Variants in UBR1 observed in about 807,000 individuals in gnomAD.
UBR1 encodes the protein ubiquitin protein ligase E3 component n-recognin 1.
Under a neutral mutation model 242.1 loss-of-function variants are expected in UBR1, and 102 were observed. The ratio of observed to expected loss-of-function variants is 0.42; its 90% confidence interval spans 0.36 to 0.50. UBR1 has a LOEUF of 0.50. Among genes scored for constraint, UBR1 ranks in the 20% least tolerant of loss-of-function variants. The pLI is 0.01. For missense variants in UBR1, 1,772 were observed against 2,101.8 expected, an observed-to-expected ratio of 0.84 and a Z score of 3.07; for synonymous variants, 675 against 684.8, an observed-to-expected ratio of 0.99 and a Z score of 0.22.
At chr15:42,993,996 G>A (rs183937589) in intron 33 of UBR1, among the ~76,000 whole-genome samples, 18 of 152,162 alleles carry the variant, frequency 1.2e-4, no homozygotes, top group South Asian at 2.1e-4. Flanking sequence ...CATACTCCAT[G>A]GATTTGATCT....
chr15:42,980,712 G>A (rs2032363974), intron 37 of UBR1, among the ~76,000 whole-genome samples: 2 of 152,162 alleles, frequency 1.3e-5, no homozygotes, highest in South Asian at 4.2e-4. Context: ...GGGTGCAAGT[G>A]ATACTCCCAA....
chr15:43,035,861 T>G (rs968442969), intron 19 of UBR1, among the ~76,000 whole-genome samples: 2 of 144,462 alleles, frequency 1.4e-5, no homozygotes, highest in African/African-American at 5.2e-5. Flanking sequence ...TTCTCACTCA[T>G]AGGTGGGAAT....
intron 1 of UBR1, among the ~76,000 whole-genome samples, chr15:43,094,439 G>GCAAA (rs540494392): frequency 7.3e-5 from 11 of 150,912 alleles, no homozygotes; most frequent in East Asian, 3.9e-4. Flanking sequence ...AAAAAAAAAA[G>GCAAA]CAAACAAACA....
At chr15:43,045,294 T>C (rs1380407254) in intron 14 of UBR1, among the ~76,000 whole-genome samples, 2 of 151,948 alleles carry the variant, frequency 1.3e-5, no homozygotes, top group African/African-American at 2.4e-5. Context: ...ACCCTGTCTC[T>C]GCAAAAAATA....
chr15:42,955,739 C>T (rs2031908356), intron 44 of UBR1, among the ~76,000 whole-genome samples: 1 of 152,178 alleles, frequency 6.6e-6, no homozygotes, highest in Non-Finnish European at 1.5e-5. Context: ...CATTCAGTGA[C>T]ATCTCACTGG....
intron 1 of UBR1, among the ~76,000 whole-genome samples, chr15:43,104,370 C>T (rs897919939): frequency 2.0e-5 from 3 of 152,166 alleles, no homozygotes; most frequent in Non-Finnish European, 4.4e-5. Context: ...ACAGCAGTTT[C>T]CCCACTCCTT....
At chr15:42,967,958 T>C (rs1057462741) in intron 40 of UBR1, among the ~76,000 whole-genome samples, 1 of 150,704 alleles carries the variant, frequency 6.6e-6, no homozygotes, top group African/African-American at 2.4e-5. Context: ...AAATTATATA[T>C]GTAGTATGTA....
chr15:43,052,086 G>A (rs999375749), intron 12 of UBR1, among the ~76,000 whole-genome samples: 2 of 152,160 alleles, frequency 1.3e-5, no homozygotes, highest in Non-Finnish European at 2.9e-5. Flanking sequence ...TTTAGAATAA[G>A]AGAGGTAGCA....
At chr15:43,050,204 C>T (rs1036436895) in intron 12 of UBR1, among the ~76,000 whole-genome samples, 2 of 152,142 alleles carry the variant, frequency 1.3e-5, no homozygotes. Flanking sequence ...CTGCCTCAGC[C>T]TTCCAAAGCA....
chr15:43,042,914 C>G (rs1469920740), intron 15 of UBR1, among the ~76,000 whole-genome samples: 1 of 152,074 alleles, frequency 6.6e-6, no homozygotes, highest in African/African-American at 2.4e-5. Context: ...TAGAAACCAG[C>G]AACCAGATTT....
At chr15:43,065,596 C>G (rs2033742795) in intron 6 of UBR1, among the ~76,000 whole-genome samples, 1 of 152,142 alleles carries the variant, frequency 6.6e-6, no homozygotes, top group Non-Finnish European at 1.5e-5. Flanking sequence ...TTATAAATGA[C>G]AGCATGCAGT....
intron 3 of UBR1, among the ~76,000 whole-genome samples, chr15:43,076,442 C>G (rs1270461663): frequency 1.3e-5 from 2 of 150,516 alleles, no homozygotes; most frequent in Middle Eastern, 3.2e-3. Flanking sequence ...CGGCCGCCAT[C>G]CCATCTAGGA....
intron 1 of UBR1, among the ~76,000 whole-genome samples, chr15:43,093,090 T>C (rs2034122135): frequency 6.6e-6 from 1 of 152,158 alleles, no homozygotes; most frequent in African/African-American, 2.4e-5. Context: ...AATTGACTAT[T>C]CTGTAAAAAA....
At chr15:42,988,716 A>G (rs1167550722) in intron 35 of UBR1, 103 bp downstream of exon 35, 2 of 1,481,624 alleles carry the variant, frequency 1.3e-6, no homozygotes, top group African/African-American at 2.8e-5. Context: ...TCCTCATACA[A>G]GTCAAATTAT....
intron 15 of UBR1, among the ~76,000 whole-genome samples, chr15:43,040,007 A>G (rs2033394966): frequency 6.6e-6 from 1 of 152,146 alleles, no homozygotes; most frequent in African/African-American, 2.4e-5. Flanking sequence ...GTTGACTGTG[A>G]AAATGACCAT....
At chr15:42,979,175 G>A (rs962310831) in intron 37 of UBR1, among the ~76,000 whole-genome samples, 5 of 151,658 alleles carry the variant, frequency 3.3e-5, no homozygotes, top group African/African-American at 9.7e-5. Flanking sequence ...TTACAGGCAT[G>A]AGCCACTGTG....
chr15:43,095,602 G>A lies in UBR1; in HGVS notation c.82-9362C>T, dbSNP rs566220592. On this transcript the variant is annotated intron_variant, in intron 1 of 46. Transcript: ENST00000290650. Reference sequence around the variant, plus strand: ...AAAAAAACTAAGCTCATCAACTATGGTTTATTCAAGAGGAGGCATGTTAAC... The same window carrying A: ...AAAAAAACTAAGCTCATCAACTATGATTTATTCAAGAGGAGGCATGTTAAC... Among the ~76,000 whole-genome samples the A allele has an allele frequency of 1.4e-3, 208 of 151,520 alleles. 1 individual carries two copies. The highest frequency in any genetic ancestry group is 7.0e-3 in the Middle Eastern group (2 of 286).
In UBR1 at chr15:42,945,110, A is replaced by G. The variant is rs1215834986; in HGVS notation, c.*219T>C. On this transcript the variant is annotated 3_prime_UTR_variant, in exon 47 of 47. Transcript: ENST00000290650. ...GGAATAAATTCCTGGAAATACTAGC[A>G]CATAAAACAGATTGATCTATGTCCT... is the stretch of plus-strand genomic sequence containing the variant. The G allele has an allele frequency of 3.4e-6, 2 of 581,656 alleles. No homozygotes were observed. Among genetic ancestry groups the G allele is most frequent in the East Asian group, 3.1e-5 (1 of 31,838 alleles). The allele number at this position is 581,656 out of a possible 1,614,324, so 36.0% of individuals were successfully genotyped here. A position where few individuals can be genotyped will look rare whatever the true frequency, so the allele number is the denominator to read the frequency against.
intron 3 of UBR1, among the ~76,000 whole-genome samples, chr15:43,077,305 T>G (rs1264233343): frequency 6.6e-6 from 1 of 151,542 alleles, no homozygotes; most frequent in African/African-American, 2.4e-5. Flanking sequence ...TGTTCTGTAC[T>G]AAGAAAAATT....
Sources: gnomAD v4.1 joint callset for allele counts (sites outside exome capture counted in the v4.1 genomes callset) on GRCh38, gnomAD v4.1.1 for gene constraint, MANE v1.5 for transcripts, NCBI Gene and HGNC (gene_info 2026-07-23, HGNC 2026-07-21) for gene names.